Variants in EEFSEC observed in about 807,000 individuals in gnomAD.
The protein encoded by EEFSEC is eukaryotic elongation factor, selenocysteine-tRNA specific, also known as selenocysteine-specific elongation factor.
A neutral mutation model predicts 42.1 loss-of-function variants in EEFSEC; 43 were observed. The observed-to-expected ratio is 1.02, with a 90% CI of 0.80 to 1.32. The LOEUF is 1.32. Ranked by LOEUF, EEFSEC falls within the 40% of genes most tolerant of loss-of-function variation. The probability of loss-of-function intolerance (pLI) is 0.00; values close to 1 mark genes in which losing one functional copy is unlikely to be tolerated. For synonymous variants in EEFSEC, 354 were observed against 339.1 expected, an observed-to-expected ratio of 1.04 and a Z score of -0.48; for missense variants, 745 against 803.6, an observed-to-expected ratio of 0.93 and a Z score of 0.88.
At chr3:128,158,062 A>G (rs1018699557) in intron 1 of EEFSEC, among the ~76,000 whole-genome samples, 1 of 152,242 alleles carries the variant, frequency 6.6e-6, no homozygotes, top group African/African-American at 2.4e-5. Context: ...TCCAACCCTC[A>G]TGGATGACTG....
At chr3:128,259,215 A>C (rs1295352969) in intron 2 of EEFSEC, among the ~76,000 whole-genome samples, 2 of 152,198 alleles carry the variant, frequency 1.3e-5, no homozygotes, top group Non-Finnish European at 2.9e-5. Flanking sequence ...ACAGAGAAGC[A>C]CTTAGAGCAA....
chr3:128,308,010 C>G (rs1460835428), intron 4 of EEFSEC, among the ~76,000 whole-genome samples: 1 of 152,194 alleles, frequency 6.6e-6, no homozygotes, highest in Non-Finnish European at 1.5e-5. Flanking sequence ...ATAACAGTGC[C>G]CATCTTGTCA....
Position 128,153,693 on chromosome 3 carries a change from G to T in EEFSEC, c.186G>T (p.Ala62=). 1 of 1,589,978 alleles carries T rather than the reference G, an allele frequency of 6.3e-7. No individual in the cohort carries two copies. Among genetic ancestry groups the T allele is most frequent in the Non-Finnish European group, 8.5e-7 (1 of 1,175,898 alleles). Reference sequence around the variant, plus strand: ...CGTGCTTCTCGGTGCCGCTGCCCGCGCGCCTGCGGTCGTCTTTGCCCGAGT... The same window carrying T: ...CGTGCTTCTCGGTGCCGCTGCCCGCTCGCCTGCGGTCGTCTTTGCCCGAGT... ...GFSCFSVPLP[A]RLRSSLPEFQ... is the part of the protein sequence containing the mutation. The change falls in exon 1 of 7, where the codon GCG becomes GCT. Residue 62 remains alanine (A), a synonymous_variant. Coordinates refer to ENST00000254730, the MANE Select transcript of EEFSEC (RefSeq NM_021937.5).
At chr3:128,337,063 A>G (rs2067197635) in intron 4 of EEFSEC, 1 of 152,226 alleles carries the variant, frequency 6.6e-6, no homozygotes, top group Non-Finnish European at 1.5e-5. Context: ...ATAAATGACT[A>G]AAAGGAAAGC....
chr3:128,252,102 G>A (rs1334666455), intron 2 of EEFSEC, among the ~76,000 whole-genome samples: 3 of 152,040 alleles, frequency 2.0e-5, no homozygotes. Context: ...CATTCCCCCA[G>A]ACTCCCTTTG....
At chr3:128,200,175 A>G (rs1181603270) in intron 1 of EEFSEC, among the ~76,000 whole-genome samples, 1 of 152,260 alleles carries the variant, frequency 6.6e-6, no homozygotes, top group African/African-American at 2.4e-5. Flanking sequence ...TGAAAAGTCT[A>G]GCTTCAAGAT....
intron 4 of EEFSEC, among the ~76,000 whole-genome samples, chr3:128,296,029 A>G (rs1324606059): frequency 2.0e-5 from 3 of 152,186 alleles, no homozygotes; most frequent in Non-Finnish European, 4.4e-5. Context: ...ACCATGGTCC[A>G]GAAATCACCC....
At chr3:128,156,782 C>G (rs1185803185) in intron 1 of EEFSEC, among the ~76,000 whole-genome samples, 1 of 152,220 alleles carries the variant, frequency 6.6e-6, no homozygotes, top group African/African-American at 2.4e-5. Context: ...TACCTACTGG[C>G]TTTTTCCCTG....
intron 1 of EEFSEC, among the ~76,000 whole-genome samples, chr3:128,162,623 C>T (rs558298484): frequency 1.7e-4 from 26 of 152,278 alleles, no homozygotes; most frequent in African/African-American, 6.3e-4. Context: ...TAAATTAATG[C>T]AGAATATTTG....
chr3:128,274,616 GTATGAAAACCACTCTAACTTA>G (rs1428981593), intron 4 of EEFSEC, among the ~76,000 whole-genome samples: 1 of 152,220 alleles, frequency 6.6e-6, no homozygotes, highest in East Asian at 1.9e-4. Flanking sequence ...ACAAGTTGTC[GTATGAAAACCACTCTAACTTA>G]TACGTGCTTT....
Position 128,382,853 on chromosome 3 carries a change from C to T in EEFSEC, c.1600+24480C>T, listed in dbSNP as rs567094345. 9.3e-4 allele frequency among the ~76,000 whole-genome samples: 142 copies of T among 152,336 alleles called. 2 individuals carry two copies. The highest frequency in any genetic ancestry group is 5.8e-4 in the East Asian group (3 of 5,190). On this transcript the variant is annotated intron_variant, in intron 6 of 6. Coordinates refer to ENST00000254730, the MANE Select transcript of EEFSEC (RefSeq NM_021937.5). ...GAAAAAGCAACCCCTACTCTTCTCC[C>T]TCCAGGTTCCCCAACTCCCCTGACC...
chr3:128,333,795 G>A (rs988295524), intron 4 of EEFSEC, among the ~76,000 whole-genome samples: 7 of 152,170 alleles, frequency 4.6e-5, no homozygotes, highest in African/African-American at 1.7e-4. Context: ...CTCAGAAAGT[G>A]CATGGTAAAG....
rs185507310 is a variant in EEFSEC, at chr3:128,241,696, G to A, written c.317-5140G>A. Among the ~76,000 whole-genome samples the A allele has an allele frequency of 4.2e-3, 643 of 152,326 alleles. 3 individuals are homozygous for A. Among genetic ancestry groups the A allele is most frequent in the Admixed American group, 0.01 (155 of 15,306 alleles). ...TGAGATGTAGGTAAGAGGAGATGAAGACATGTAGACCACCACTGTGCATGT... is the reference window on the plus strand; with the variant it reads ...TGAGATGTAGGTAAGAGGAGATGAAAACATGTAGACCACCACTGTGCATGT... On this transcript the variant is annotated intron_variant, in intron 1 of 6. Coordinates refer to ENST00000254730, the MANE Select transcript of EEFSEC (RefSeq NM_021937.5).
At chr3:128,283,055 G>C (rs1006714630) in intron 4 of EEFSEC, among the ~76,000 whole-genome samples, 4 of 152,376 alleles carry the variant, frequency 2.6e-5, no homozygotes, top group East Asian at 3.9e-4. Context: ...TGAAAACACA[G>C]CTCTTTCTCC....
chr3:128,319,509 G>C (rs1381906854), intron 4 of EEFSEC, among the ~76,000 whole-genome samples: 3 of 152,194 alleles, frequency 2.0e-5, no homozygotes, highest in African/African-American at 7.2e-5. Context: ...ACGTTGGCCT[G>C]TGTGTTACAG....
intron 6 of EEFSEC, among the ~76,000 whole-genome samples, chr3:128,373,741 G>T (rs1371452680): frequency 1.3e-5 from 2 of 152,184 alleles, no homozygotes; most frequent in Non-Finnish European, 2.9e-5. Context: ...CCAGTCTCCT[G>T]TCCTTGGGGT....
chr3:128,414,254 C>T, the EEFSEC span, among the ~76,000 whole-genome samples: 3 of 152,132 alleles, frequency 2.0e-5, no homozygotes, highest in African/African-American at 4.8e-5. Flanking sequence ...AAGTGGACCC[C>T]GGGGCTCTCT....
At chr3:128,188,611 A>T (rs1258316683) in intron 1 of EEFSEC, among the ~76,000 whole-genome samples, 1 of 152,000 alleles carries the variant, frequency 6.6e-6, no homozygotes, top group Non-Finnish European at 1.5e-5. Flanking sequence ...AATGTGTTCC[A>T]CTCCAGTCCG....
intron 1 of EEFSEC, among the ~76,000 whole-genome samples, chr3:128,230,291 A>G (rs1032840607): frequency 2.0e-5 from 3 of 152,288 alleles, no homozygotes; most frequent in South Asian, 2.1e-4. Context: ...GACTACAGGC[A>G]TGTGCCACTG....
Sources: allele counts gnomAD v4.1 joint callset (sites outside exome capture counted in the v4.1 genomes callset), GRCh38; gene constraint gnomAD v4.1.1; transcripts MANE v1.5; gene names NCBI Gene and HGNC (gene_info 2026-07-23, HGNC 2026-07-21).